The following ZNF837 variants were observed in gnomAD, a reference collection of about 807,000 sequenced individuals.
ZNF837 encodes the protein zinc finger protein 837.
For missense variants in ZNF837, 955 were observed against 801.7 expected, an observed-to-expected ratio of 1.19 and a Z score of -2.31; for synonymous variants, 475 against 365.2, an observed-to-expected ratio of 1.30 and a Z score of -3.43.
intron 1 of ZNF837, among the ~76,000 whole-genome samples, chr19:58,375,270 G>GGATA (rs1555782415): frequency 2.9e-5 from 1 of 34,856 alleles, no homozygotes; most frequent in African/African-American, 9.7e-5. Flanking sequence ...AAAAAAAAAA[G>GGATA]TATATATATA....
Position 58,367,817 on chromosome 19 carries a change from C to T in ZNF837, c.1516G>A (p.Gly506Arg), listed in dbSNP as rs2148013346. Residue 506 changes from glycine (G) to arginine (R), a missense_variant, in exon 3 of 3, where the codon GGA becomes AGA. Transcript: ENST00000597582. ...TGGCTGAAGGCGCGGCCGCAATCTC[C>T]GCACGCGTAGGGCCGCTCGCCCGTG... is the stretch of plus-strand genomic sequence containing the variant. ...THTGERPYAC[G>R]DCGRAFSQRS... 1 of 1,536,560 alleles carries T rather than the reference C, an allele frequency of 6.5e-7. No homozygotes were observed. The highest frequency in any genetic ancestry group is 2.4e-5 in the East Asian group (1 of 40,832).
intron 1 of ZNF837, among the ~76,000 whole-genome samples, chr19:58,370,510 A>G (rs1328596382): frequency 1.3e-5 from 2 of 152,168 alleles, no homozygotes; most frequent in East Asian, 1.9e-4. Context: ...TCAGGGGGCC[A>G]TTATTCTGCT....
intron 1 of ZNF837, among the ~76,000 whole-genome samples, chr19:58,372,901 G>A (rs1367137156): frequency 6.6e-6 from 1 of 152,210 alleles, no homozygotes; most frequent in African/African-American, 2.4e-5. Flanking sequence ...TGCTGTATGG[G>A]AGGCTGCTGG....
In ZNF837 at chr19:58,367,957, C is replaced by G; in HGVS notation, c.1376G>C (p.Cys459Ser). 1 of 1,532,874 alleles carries G rather than the reference C, an allele frequency of 6.5e-7. No individual in the cohort carries two copies. The highest frequency in any genetic ancestry group is 8.7e-7 in the Non-Finnish European group (1 of 1,144,012). The allele number at this position is 1,532,874 out of a possible 1,614,324, so 95.0% of individuals were successfully genotyped here. A position where few individuals can be genotyped will look rare whatever the true frequency, so the allele number is the denominator to read the frequency against. Residue 459 changes from cysteine (C) to serine (S), a missense_variant, in exon 3 of 3, where the codon TGC (cysteine) becomes TCC (serine). Cys to Ser is a moderately radical substitution (Grantham distance 112). Transcript: ENST00000597582. ...GCGCTCGTGCTGGCGCAGCTCGGAG[C>G]AGCCGCGGAAGGTCTTTCCGCACTC... ...CSECGKTFRG[C>S]SELRQHERLH...
At chr19:58,375,346 A>G (rs1444331447) in intron 1 of ZNF837, among the ~76,000 whole-genome samples, 1 of 144,616 alleles carries the variant, frequency 6.9e-6, no homozygotes, top group Non-Finnish European at 1.5e-5. Flanking sequence ...ATATATTTAT[A>G]TAGAATGTAA....
chr19:58,371,373 C>A (rs56394914), intron 1 of ZNF837, among the ~76,000 whole-genome samples: 76,736 of 151,660 alleles, frequency 0.51, 19,508 homozygotes, highest in Middle Eastern at 0.57. Context: ...GGGCCACTGC[C>A]CTCCAGCCTG....
intron 1 of ZNF837, among the ~76,000 whole-genome samples, chr19:58,379,097 G>C (rs2052271128): frequency 6.6e-6 from 1 of 152,230 alleles, no homozygotes; most frequent in Non-Finnish European, 1.5e-5. Flanking sequence ...TCGACAGAAT[G>C]TGTGTGTTGT....
chr19:58,371,097 T>C (rs1002253671), intron 1 of ZNF837, among the ~76,000 whole-genome samples: 6 of 151,352 alleles, frequency 4.0e-5, no homozygotes, highest in African/African-American at 9.7e-5. Flanking sequence ...AAAAATTAGC[T>C]GGGCGTGGTG....
intron 1 of ZNF837, among the ~76,000 whole-genome samples, chr19:58,371,563 G>A (rs2052202448): frequency 1.3e-5 from 2 of 152,174 alleles, no homozygotes; most frequent in African/African-American, 4.8e-5. Flanking sequence ...TTTAGACTCT[G>A]AATCCCGGAT....
intron 1 of ZNF837, among the ~76,000 whole-genome samples, chr19:58,373,366 G>A (rs2052217177): frequency 6.6e-6 from 1 of 152,210 alleles, no homozygotes; most frequent in Non-Finnish European, 1.5e-5. Flanking sequence ...TGGAAGTAAG[G>A]AACTTCTCTG....
intron 1 of ZNF837, among the ~76,000 whole-genome samples, chr19:58,371,190 G>A (rs985154087): frequency 4.1e-4 from 61 of 147,800 alleles, no homozygotes; most frequent in Non-Finnish European, 7.8e-4. Flanking sequence ...GCAGTGAGCC[G>A]AGATCACGCC....
intron 1 of ZNF837, among the ~76,000 whole-genome samples, chr19:58,374,555 G>A (rs1199871077): frequency 1.3e-5 from 2 of 151,906 alleles, no homozygotes; most frequent in Non-Finnish European, 2.9e-5. Flanking sequence ...ATTGCTTTAC[G>A]GGTATCAAGT....
chr19:58,377,467 G>A (rs1281197934), intron 1 of ZNF837, among the ~76,000 whole-genome samples: 4 of 142,820 alleles, frequency 2.8e-5, no homozygotes, highest in African/African-American at 5.3e-5. Flanking sequence ...GTGACAGAAC[G>A]AGACTCCATC....
At chr19:58,371,387 G>A (rs1051715821) in intron 1 of ZNF837, among the ~76,000 whole-genome samples, 8 of 152,288 alleles carry the variant, frequency 5.3e-5, no homozygotes, top group Middle Eastern at 3.4e-3. Flanking sequence ...CAGCCTGGGC[G>A]ACAGAGCGAG....
Position 58,368,608 on chromosome 19 carries a change from G to T in ZNF837, c.725C>A (p.Ala242Glu). Residue 242 changes from alanine to glutamate, a missense_variant, in exon 3 of 3, where the codon GCG becomes GAG. Ala to Glu is a moderately radical substitution (Grantham distance 107). Coordinates refer to ENST00000597582, the MANE Select transcript of ZNF837 (RefSeq NM_138466.2). ...KRFRPNQQQQ[A>E]GKSPPVCPEC... The stretch of plus-strand genomic sequence containing the variant: ...AGGACACACTGGGGGACTCTTGCCC[G>T]CCTGCTGCTGCTGGTTGGGGCGGAA... 2.0e-6 allele frequency: 3 copies of T among 1,533,176 alleles called. No homozygotes were observed. The highest frequency in any genetic ancestry group is 1.7e-6 in the Non-Finnish European group (2 of 1,144,154). 95.0% of individuals were successfully genotyped at this position (1,533,176 alleles called of 1,614,324 possible). A position where few individuals can be genotyped will look rare whatever the true frequency, so the allele number is the denominator to read the frequency against.
intron 1 of ZNF837, among the ~76,000 whole-genome samples, chr19:58,376,388 TA>T (rs1225933645): frequency 1.3e-5 from 2 of 149,410 alleles, no homozygotes; most frequent in Admixed American, 6.7e-5. Context: ...CCATCTCTAC[TA>T]AAAAAAATAC....
At chr19:58,376,278 C>T (rs1731113499) in intron 1 of ZNF837, among the ~76,000 whole-genome samples, 1 of 151,884 alleles carries the variant, frequency 6.6e-6, no homozygotes. Flanking sequence ...CTTGGCCGGG[C>T]GCGGTGGCTC....
At position 58,368,794 on chromosome 19, in the gene ZNF837, G is replaced by C. The variant is rs1324966963; in HGVS notation, c.539C>G (p.Pro180Arg). Residue 180 changes from proline (P) to arginine (R), a missense_variant, in exon 3 of 3, where the codon CCG becomes CGG. Physicochemically the swap from Pro to Arg is moderately radical, Grantham distance 103 (BLOSUM62 -2). Transcript: ENST00000597582. ...CQPGTGAPTC[P>R]RTPKPTSRGR... ...GCGGGAGGTCGGCTTTGGGGTCCTCGGGCAGGTCGGAGCGCCAGTCCCTGG... is the reference window on the plus strand; with the variant it reads ...GCGGGAGGTCGGCTTTGGGGTCCTCCGGCAGGTCGGAGCGCCAGTCCCTGG... The C allele has an allele frequency of 5.8e-6, 9 of 1,544,698 alleles. No homozygotes were observed. In the East Asian group the frequency reaches 1.5e-4, roughly 25 times the overall value.
At position 58,368,903 on chromosome 19, in the gene ZNF837, C is replaced by G; in HGVS notation, c.430G>C (p.Val144Leu). 6.5e-7 allele frequency: 1 copy of G among 1,547,922 alleles called. No individual in the cohort carries two copies. Among genetic ancestry groups the G allele is most frequent in the East Asian group, 2.4e-5 (1 of 40,854 alleles). Residue 144 changes from valine to leucine, a missense_variant, in exon 3 of 3, where the codon GTG (valine) becomes CTG (leucine). By Grantham distance (32) the Val-to-Leu change is conservative. Transcript: ENST00000597582. Reference protein sequence around the residue: ...RGAPAGETPPVCDPCPERIQN... With the variant: ...RGAPAGETPPLCDPCPERIQN... Reference sequence around the variant, plus strand: ...ATCCGCTCCGGACAGGGGTCACACACGGGTGGCGTCTCCCCAGCGGGCGCC... The same window carrying G: ...ATCCGCTCCGGACAGGGGTCACACAGGGGTGGCGTCTCCCCAGCGGGCGCC...
Sources: allele counts gnomAD v4.1 joint callset (sites outside exome capture counted in the v4.1 genomes callset), GRCh38; gene constraint gnomAD v4.1.1; transcripts MANE v1.5; gene names NCBI Gene and HGNC (gene_info 2026-07-23, HGNC 2026-07-21).